Variants in OLFML2A observed in about 807,000 individuals in gnomAD.
OLFML2A encodes olfactomedin-like protein 2A.
Under a neutral mutation model 60.9 loss-of-function variants are expected in OLFML2A, and 47 were observed. The ratio of observed to expected loss-of-function variants is 0.77; its 90% CI spans 0.61 to 0.98. The LOEUF (loss-of-function observed/expected upper bound fraction) is 0.98. OLFML2A is among the 50% of genes least tolerant of loss of function. OLFML2A has a pLI of 0.00. For synonymous variants in OLFML2A, 372 were observed against 375.0 expected (o/e 0.99, Z 0.09); for missense variants, 922 against 879.8 (o/e 1.05, Z -0.61).
chr9:124,794,633 T>G (rs751043985), intron 2 of OLFML2A, among the ~76,000 whole-genome samples: 7 of 152,096 alleles, frequency 4.6e-5, no homozygotes, highest in Admixed American at 3.3e-4. Context: ...TTATTATTCT[T>G]TTTTTTGGAA....
chr9:124,781,613 G>A (rs1841362227), intron 1 of OLFML2A, among the ~76,000 whole-genome samples: 1 of 152,144 alleles, frequency 6.6e-6, no homozygotes, highest in African/African-American at 2.4e-5. Flanking sequence ...GGCCAACATA[G>A]TGAAATGCCA....
intron 7 of OLFML2A, among the ~76,000 whole-genome samples, chr9:124,808,870 A>G (rs1841950506): frequency 6.6e-6 from 1 of 151,966 alleles, no homozygotes; most frequent in South Asian, 2.1e-4. Flanking sequence ...AAAGGCCTGG[A>G]ACAGGCCGGG....
chr9:124,797,720 C>T (rs545054131), intron 3 of OLFML2A, among the ~76,000 whole-genome samples: 1 of 152,178 alleles, frequency 6.6e-6, no homozygotes, highest in African/African-American at 2.4e-5. Context: ...AGAGCTTTGG[C>T]GAACTGGGAC....
intron 1 of OLFML2A, chr9:124,778,850 G>A (rs537069115): frequency 2.8e-6 from 1 of 360,028 alleles, no homozygotes; most frequent in Admixed American, 6.4e-5. Context: ...GGGAGAGTGA[G>A]GAGCAGGACC....
In OLFML2A at chr9:124,811,419, G is replaced by A. The variant is rs887718010; in HGVS notation, c.*1007G>A. Reference sequence around the variant, plus strand: ...CTTTACACACTCAGGGATACCTCCGGGTCTGCCATGAATAAGACCCTAGGC... The same window carrying A: ...CTTTACACACTCAGGGATACCTCCGAGTCTGCCATGAATAAGACCCTAGGC... On this transcript the variant is annotated 3_prime_UTR_variant, in exon 8 of 8. Coordinates refer to ENST00000373580, the MANE Select transcript of OLFML2A (RefSeq NM_182487.4). The A allele has an allele frequency of 4.6e-5, 7 of 152,756 alleles. No individual in the cohort carries two copies. The highest frequency in any genetic ancestry group is 4.6e-4 in the Admixed American group (7 of 15,286). 9.5% of individuals were successfully genotyped at this position (152,756 alleles called of 1,614,324 possible). A position where few individuals can be genotyped will look rare whatever the true frequency, so the allele number is the denominator to read the frequency against.
chr9:124,782,968 C>T (rs755420222), intron 1 of OLFML2A, among the ~76,000 whole-genome samples: 51 of 151,914 alleles, frequency 3.4e-4, no homozygotes, highest in Non-Finnish European at 6.2e-4. Flanking sequence ...GGGAAGGGGA[C>T]CCAGGAGTCT....
rs986541500 is a variant in OLFML2A at position 124,810,355 on chromosome 9, G to A, written c.1902G>A (p.Val634=). The A allele has an allele frequency of 3.7e-6, 6 of 1,603,242 alleles. No homozygotes were observed. Among genetic ancestry groups the A allele is most frequent in the Non-Finnish European group, 3.4e-6 (4 of 1,179,924 alleles). The change falls in exon 8 of 8, where the codon GTG becomes GTA. Residue 634 remains valine (V), a synonymous_variant. Coordinates refer to ENST00000373580, the MANE Select transcript of OLFML2A (RefSeq NM_182487.4). ...TCGACTACAACCCCAAGGAGCGGGT[G>A]CTGTACGCCTGGGACAATGGCCACC... ...TQIDYNPKER[V]LYAWDNGHQL... is the part of the protein sequence containing the mutation.
chr9:124,789,997 A>C (rs930986582), intron 2 of OLFML2A, among the ~76,000 whole-genome samples: 1 of 152,232 alleles, frequency 6.6e-6, no homozygotes. Context: ...CATGTTTGAC[A>C]TGAGGACACA....
At chr9:124,780,451 G>T (rs867330073) in intron 1 of OLFML2A, among the ~76,000 whole-genome samples, 1 of 152,378 alleles carries the variant, frequency 6.6e-6, no homozygotes. Flanking sequence ...GGAGCAGGAG[G>T]GGCTAGAGCA....
chr9:124,806,069 A>G (rs946184952), intron 6 of OLFML2A, among the ~76,000 whole-genome samples: 3 of 151,790 alleles, frequency 2.0e-5, no homozygotes, highest in Non-Finnish European at 4.4e-5. Context: ...GTGAAATACA[A>G]TTTTTAAAAA....
chr9:124,800,299 C>T (rs1218345699), intron 4 of OLFML2A, among the ~76,000 whole-genome samples: 1 of 152,234 alleles, frequency 6.6e-6, no homozygotes, highest in African/African-American at 2.4e-5. Context: ...CACCATTGTT[C>T]ACACTGGCCT....
At chr9:124,809,776 A>T in intron 7 of OLFML2A, 32 bp from the exon 8 acceptor site, 1 of 1,556,826 alleles carries the variant, frequency 6.4e-7, no homozygotes, top group Non-Finnish European at 8.7e-7. Context: ...GTTGCTCGGG[A>T]GGTCTGGGGT....
At position 124,810,337 on chromosome 9, in the gene OLFML2A, C is replaced by T; in HGVS notation, c.1884C>T (p.Tyr628=). The change falls in exon 8 of 8, where the codon TAC becomes TAT. Residue 628 remains tyrosine, a synonymous_variant. Transcript: ENST00000373580. The part of the protein sequence containing the change: ...NEHAYTTQID[Y]NPKERVLYAW... ...ACGCCTACACCACCCAGATCGACTA[C>T]AACCCCAAGGAGCGGGTGCTGTACG... 6.2e-7 allele frequency: 1 copy of T among 1,605,542 alleles called. No individual in the cohort carries two copies. Among genetic ancestry groups the T allele is most frequent in the South Asian group, 1.1e-5 (1 of 91,084 alleles).
chr9:124,793,156 C>T (rs930625804), intron 2 of OLFML2A, among the ~76,000 whole-genome samples: 5 of 152,222 alleles, frequency 3.3e-5, no homozygotes, highest in Non-Finnish European at 7.3e-5. Flanking sequence ...TGGGAAATGC[C>T]GGAGGGCTCA....
intron 2 of OLFML2A, among the ~76,000 whole-genome samples, chr9:124,790,362 A>G (rs1396387100): frequency 6.6e-6 from 1 of 151,464 alleles, no homozygotes; most frequent in Non-Finnish European, 1.5e-5. Context: ...TTTAGTAGAG[A>G]TGGAGTTTCG....
intron 6 of OLFML2A, 46 bp from the exon 7 acceptor site, chr9:124,807,735 G>C (rs769443989): frequency 8.0e-6 from 12 of 1,500,628 alleles, no homozygotes; most frequent in African/African-American, 1.4e-5. Context: ...CTGGCTGGGG[G>C]GCTTGGGGGT....
chr9:124,797,686 A>C (rs1841692436), intron 3 of OLFML2A, among the ~76,000 whole-genome samples: 1 of 152,210 alleles, frequency 6.6e-6, no homozygotes, highest in Non-Finnish European at 1.5e-5. Context: ...AAGTATACTC[A>C]GACGAAAGAA....
chr9:124,807,727 G>C, intron 6 of OLFML2A, 54 bp from the exon 7 acceptor site: 1 of 1,453,514 alleles, frequency 6.9e-7, no homozygotes, highest in East Asian at 2.3e-5. Context: ...CCGTTGCTCT[G>C]GCTGGGGGGC....
chr9:124,781,261 C>T (rs1588876811), intron 1 of OLFML2A, among the ~76,000 whole-genome samples: 1 of 152,078 alleles, frequency 6.6e-6, no homozygotes, highest in Admixed American at 6.5e-5. Flanking sequence ...CAGAAGAACA[C>T]GATGACTGAC....
Sources: gnomAD v4.1 joint callset for allele counts (sites outside exome capture counted in the v4.1 genomes callset) on GRCh38, gnomAD v4.1.1 for gene constraint, MANE v1.5 for transcripts, NCBI Gene and HGNC (gene_info 2026-07-23, HGNC 2026-07-21) for gene names.